The following TRIM58 variants were observed in gnomAD, a reference collection of about 807,000 sequenced individuals.
TRIM58 encodes E3 ubiquitin-protein ligase TRIM58.
Under a neutral mutation model 34.1 loss-of-function variants are expected in TRIM58, and 38 were observed. That is an observed-to-expected ratio of 1.12 (90% confidence interval 0.86 to 1.46). The LOEUF (loss-of-function observed/expected upper bound fraction) is 1.46. TRIM58 is among the 40% of genes most tolerant of loss of function. The pLI, the probability that TRIM58 is intolerant of heterozygous loss-of-function variation, is 0.00. For missense variants in TRIM58, 677 were observed against 642.0 expected (o/e 1.05, Z -0.59); for synonymous variants, 273 against 275.7 (o/e 0.99, Z 0.10).
At chr1:247,862,088 A>G (rs142518196) in intron 2 of TRIM58, among the ~76,000 whole-genome samples, 2,934 of 152,314 alleles carry the variant, frequency 0.019, 58 homozygotes, top group Non-Finnish European at 0.03. Flanking sequence ...AGATCGTGCC[A>G]TTGCACTCCA....
Position 247,857,253 on chromosome 1 carries a change from T to C in TRIM58, c.7T>C (p.Trp3Arg), listed in dbSNP as rs1037085742. ...GCCCTCCGGGAGGCGGGTCATGGCC[T>C]GGGCGCCGCCCGGGGAGCGGCTGCG... MA[W>R]APPGERLRED... Residue 3 changes from tryptophan (W) to arginine (R), a missense_variant, in exon 1 of 6, where the codon TGG (tryptophan) becomes CGG (arginine). Trp to Arg is a moderately radical substitution (Grantham distance 101). Coordinates refer to ENST00000366481, the MANE Select transcript of TRIM58 (RefSeq NM_015431.4). The C allele has an allele frequency of 3.2e-5, 42 of 1,327,704 alleles. No individual in the cohort carries two copies. The African/African-American group carries it at 6.1e-4, about 19-fold the overall frequency. The allele number at this position is 1,327,704 out of a possible 1,614,324, so 82.2% of individuals were successfully genotyped here.
chr1:247,870,249 C>T lies in TRIM58; in HGVS notation c.871+2186C>T, dbSNP rs1022778684. ...AGGGTAAAATTCCCTGGTCTCCTTC[C>T]GTGGGAGAGTGCACCATGCCCAGAA... On this transcript the variant is annotated intron_variant, in intron 5 of 5. Transcript: ENST00000366481. Among the ~76,000 whole-genome samples the T allele has an allele frequency of 5.4e-4, 82 of 152,230 alleles. 2 individuals are homozygous for T. Among genetic ancestry groups the T allele is most frequent in the Non-Finnish European group, 4.7e-4 (32 of 68,010 alleles).
Position 247,864,809 on chromosome 1 carries a change from G to C in TRIM58, c.621G>C (p.Glu207Asp), listed in dbSNP as rs760750101. 4.3e-6 allele frequency: 7 copies of C among 1,613,888 alleles called. No homozygotes were observed. The highest frequency in any genetic ancestry group is 1.3e-5 in the African/African-American group (1 of 74,924). ...EQRQLRRLEA[E>D]ERATLQRLRE... ...GGCAGCTGAGGCGGCTGGAGGCGGA[G>C]GAGCGAGCGACGCTGCAGAGACTGC... is the stretch of plus-strand genomic sequence containing the variant. The change falls in exon 3 of 6, where the codon GAG (glutamate) becomes GAC (aspartate). Residue 207 changes from glutamate (E) to aspartate (D), a missense_variant. Physicochemically the swap from Glu to Asp is conservative, Grantham distance 45. Coordinates refer to ENST00000366481, the MANE Select transcript of TRIM58 (RefSeq NM_015431.4).
chr1:247,865,716 A>G (rs887186686), intron 3 of TRIM58, among the ~76,000 whole-genome samples: 2 of 152,226 alleles, frequency 1.3e-5, no homozygotes, highest in Non-Finnish European at 2.9e-5. Context: ...TCATATCCCA[A>G]GTGAACAGGG....
Position 247,878,471 on chromosome 1 carries a change from G to C in TRIM58, c.*1982G>C, listed in dbSNP as rs1405262576. On this transcript the variant is annotated 3_prime_UTR_variant, in exon 6 of 6. Transcript: ENST00000366481. Reference sequence around the variant, plus strand: ...TCATGAGCGAACACTTCTACTCTCTGTGATAGATTTGCAAACAGAGGAAAT... The same window carrying C: ...TCATGAGCGAACACTTCTACTCTCTCTGATAGATTTGCAAACAGAGGAAAT... Among the ~76,000 whole-genome samples the C allele has an allele frequency of 1.3e-5, 2 of 152,116 alleles. No homozygotes were observed. Among genetic ancestry groups the C allele is most frequent in the Non-Finnish European group, 2.9e-5 (2 of 68,028 alleles).
At chr1:247,860,467 A>G in intron 1 of TRIM58, 150 bp from the exon 2 acceptor site, 1 of 578,190 alleles carries the variant, frequency 1.7e-6, no homozygotes, top group Non-Finnish European at 3.1e-6. Flanking sequence ...CTAAAACTTA[A>G]GTACATTTAT....
At chr1:247,867,035 C>A (rs1663946420) in intron 3 of TRIM58, among the ~76,000 whole-genome samples, 1 of 152,058 alleles carries the variant, frequency 6.6e-6, no homozygotes, top group African/African-American at 2.4e-5. Context: ...AAATGTATCA[C>A]AGATATATTT....
At chr1:247,862,608 C>T (rs572898981) in intron 2 of TRIM58, among the ~76,000 whole-genome samples, 4 of 152,218 alleles carry the variant, frequency 2.6e-5, no homozygotes, top group Admixed American at 2.6e-4. Flanking sequence ...TCAATCCTGG[C>T]CTGACCATAG....
In TRIM58 at chr1:247,857,739, G is replaced by C. The variant is rs547140075; in HGVS notation, c.420+73G>C. 206 of 1,198,922 alleles carry C rather than the reference G, an allele frequency of 1.7e-4. 2 individuals carry two copies. The South Asian group carries it at 4.1e-3, about 24-fold the overall frequency. 74.3% of individuals were successfully genotyped at this position (1,198,922 alleles called of 1,614,324 possible). ...GCGGGCGACAGTCCGGAGCGGAGCC[G>C]CCGAGGCCACCCGTCTCCTGAGCGG... is the stretch of plus-strand genomic sequence containing the variant. On this transcript the variant is annotated intron_variant, in intron 1 of 5. Coordinates refer to ENST00000366481, the MANE Select transcript of TRIM58 (RefSeq NM_015431.4).
chr1:247,857,481 G>T lies in TRIM58; in HGVS notation c.235G>T (p.Val79Leu), dbSNP rs1306549665. The change falls in exon 1 of 6, where the codon GTG becomes TTG. Residue 79 changes from valine to leucine, a missense_variant. Val to Leu is a conservative substitution (Grantham distance 32, BLOSUM62 1). Transcript: ENST00000366481. The stretch of plus-strand genomic sequence containing the variant: ...CCCCAACCGGCAGCTGGCGGGCCTG[G>T]TGGAGAGCGTGCGGCGGCTGGGGTT... Reference protein sequence around the residue: ...FRPNRQLAGLVESVRRLGLGA... With the variant: ...FRPNRQLAGLLESVRRLGLGA... 8.3e-6 allele frequency: 11 copies of T among 1,331,258 alleles called. No individual in the cohort carries two copies. The highest frequency in any genetic ancestry group is 1.5e-5 in the African/African-American group (1 of 65,690). The allele number at this position is 1,331,258 out of a possible 1,614,324, so 82.5% of individuals were successfully genotyped here. A position where few individuals can be genotyped will look rare whatever the true frequency, so the allele number is the denominator to read the frequency against.
chr1:247,871,082 A>G (rs1188352176), intron 5 of TRIM58, among the ~76,000 whole-genome samples: 1 of 152,138 alleles, frequency 6.6e-6, no homozygotes, highest in Non-Finnish European at 1.5e-5. Flanking sequence ...CATAGAGTCT[A>G]CATTTGGTTA....
At chr1:247,859,058 G>C (rs1269345434) in intron 1 of TRIM58, among the ~76,000 whole-genome samples, 2 of 151,920 alleles carry the variant, frequency 1.3e-5, no homozygotes, top group Non-Finnish European at 1.5e-5. Context: ...CCAGCCTCTA[G>C]TGTAATATTT....
chr1:247,866,738 GA>G (rs1315306906), intron 3 of TRIM58, among the ~76,000 whole-genome samples: 5 of 152,116 alleles, frequency 3.3e-5, no homozygotes, highest in African/African-American at 9.7e-5. Context: ...GAGTAGCTGG[GA>G]CTAAAGGTGT....
intron 5 of TRIM58, among the ~76,000 whole-genome samples, chr1:247,875,352 CCTAAGTGCACT>C (rs1659258056): frequency 6.6e-6 from 1 of 152,116 alleles, no homozygotes; most frequent in South Asian, 2.1e-4. Context: ...AGAAGATCCT[CCTAAGTGCACT>C]CAAATGCTTT....
At position 247,876,033 on chromosome 1, in the gene TRIM58, C is replaced by G. The variant is rs1659277095; in HGVS notation, c.1005C>G (p.Ile335Met). ...AGCGATTTGACACATGGCCCTGCAT[C>G]CTGGGTTTGCAGAGCTTCTCATCAG... The part of the protein sequence containing the change: ...NPERFDTWPC[I>M]LGLQSFSSGR... The change falls in exon 6 of 6, where the codon ATC becomes ATG. Residue 335 changes from isoleucine to methionine, a missense_variant. Ile to Met is a conservative substitution (Grantham distance 10). Transcript: ENST00000366481. 6.2e-7 allele frequency: 1 copy of G among 1,614,050 alleles called. No homozygotes were observed. The highest frequency in any genetic ancestry group is 1.3e-5 in the African/African-American group (1 of 74,916).
At chr1:247,867,251 G>A (rs1663951332) in intron 3 of TRIM58, among the ~76,000 whole-genome samples, 1 of 152,086 alleles carries the variant, frequency 6.6e-6, no homozygotes, top group Admixed American at 6.6e-5. Flanking sequence ...AATTCTATGA[G>A]TACTTAGGAT....
Position 247,868,047 on chromosome 1 carries a change from C to G in TRIM58, c.855C>G (p.Leu285=), listed in dbSNP as rs764798892. The part of the protein sequence containing the change: ...TACCIPGRRE[L]LRKFQVDVKL... ...GCTGCATCCCTGGGAGGAGGGAGCTCTTAAGGAAGTTCCAAGGTAGTTGCA... is the reference window on the plus strand; with the variant it reads ...GCTGCATCCCTGGGAGGAGGGAGCTGTTAAGGAAGTTCCAAGGTAGTTGCA... Residue 285 remains leucine, a synonymous_variant, in exon 5 of 6, where the codon CTC becomes CTG. Coordinates refer to ENST00000366481, the MANE Select transcript of TRIM58 (RefSeq NM_015431.4). The G allele has an allele frequency of 6.2e-6, 10 of 1,607,780 alleles. No individual in the cohort carries two copies. The highest frequency in any genetic ancestry group is 6.8e-6 in the Non-Finnish European group (8 of 1,177,770).
intron 5 of TRIM58, among the ~76,000 whole-genome samples, chr1:247,874,431 C>G (rs1659232988): frequency 6.6e-6 from 1 of 152,128 alleles, no homozygotes; most frequent in Non-Finnish European, 1.5e-5. Flanking sequence ...TGATCCAGCA[C>G]CCCCCACTAG....
intron 5 of TRIM58, among the ~76,000 whole-genome samples, chr1:247,869,777 C>T (rs1432257523): frequency 6.6e-6 from 1 of 152,156 alleles, no homozygotes; most frequent in Non-Finnish European, 1.5e-5. Context: ...TGAATGTTTG[C>T]TGAAAATCAA....
Sources: gnomAD v4.1 joint callset for allele counts (sites outside exome capture counted in the v4.1 genomes callset) on GRCh38, gnomAD v4.1.1 for gene constraint, MANE v1.5 for transcripts, NCBI Gene and HGNC (gene_info 2026-07-23, HGNC 2026-07-21) for gene names.